The following KIRREL3 variants were observed in gnomAD, a reference collection of about 807,000 sequenced individuals.
KIRREL3 encodes kin of IRRE-like protein 3.
In KIRREL3, 36 loss-of-function variants were observed where a neutral mutation model predicts 89.7. That is an observed-to-expected ratio of 0.40 (90% CI 0.31 to 0.53). The LOEUF (loss-of-function observed/expected upper bound fraction) is 0.53. Among genes scored for constraint, KIRREL3 ranks in the 20% least tolerant of loss-of-function variants. KIRREL3 has a pLI of 0.49. For missense variants in KIRREL3, 864 were observed against 1,056.6 expected, an observed-to-expected ratio of 0.82 and a Z score of 2.53; for synonymous variants, 445 against 441.4, an observed-to-expected ratio of 1.01 and a Z score of -0.10.
At chr11:126,745,110 G>C (rs1286301559) in intron 1 of KIRREL3, among the ~76,000 whole-genome samples, 2 of 152,098 alleles carry the variant, frequency 1.3e-5, no homozygotes, top group Admixed American at 6.5e-5. Flanking sequence ...TCCTTGAGAG[G>C]ATCTCATGGG....
rs561535676 is a variant in KIRREL3, at chr11:126,705,036, T to A, written c.56-142124A>T. On this transcript the variant is annotated intron_variant, in intron 1 of 16. Coordinates refer to ENST00000525144, the MANE Select transcript of KIRREL3 (RefSeq NM_032531.4). The surrounding 1 kb of genome is among the most constrained non-coding windows in gnomAD (Gnocchi z 4.3). ...ATTTGTGGGTGGTAAATTTATATCT[T>A]ACCCACTGAATATAGCTTTTTATGG... 1.3e-5 allele frequency among the ~76,000 whole-genome samples: 2 copies of A among 152,334 alleles called. No homozygotes were observed. Among genetic ancestry groups the A allele is most frequent in the East Asian group, 3.9e-4 (2 of 5,194 alleles).
rs1050768862 is a variant in KIRREL3 at position 126,563,832 on chromosome 11, A to G, written c.56-920T>C. 3.3e-5 allele frequency among the ~76,000 whole-genome samples: 5 copies of G among 152,090 alleles called. No homozygotes were observed. The highest frequency in any genetic ancestry group is 5.9e-5 in the Non-Finnish European group (4 of 68,030). ...CTGATTCATCTTAATCACTTTATGG[A>G]TCCTGAAGCAATAGCACACTAATTT... On this transcript the variant is annotated intron_variant, in intron 1 of 16. Coordinates refer to ENST00000525144, the MANE Select transcript of KIRREL3 (RefSeq NM_032531.4). This position sits in a 1 kb window ranked among gnomAD's most constrained non-coding sequence, Gnocchi z 6.8.
At chr11:126,753,335 C>A (rs1949396387) in intron 1 of KIRREL3, among the ~76,000 whole-genome samples, 1 of 152,172 alleles carries the variant, frequency 6.6e-6, no homozygotes, top group African/African-American at 2.4e-5. Context: ...CCTTCCAGAA[C>A]CAGACAGGAG....
In KIRREL3 at chr11:126,561,650, C is replaced by A. The variant is rs909024481; in HGVS notation, c.133+1185G>T. Among the ~76,000 whole-genome samples the A allele has an allele frequency of 6.6e-6, 1 of 152,216 alleles. No individual in the cohort carries two copies. Reference sequence around the variant, plus strand: ...TGCGGCCCCCAACTCTGGTTGTACTCAGCCATGGGGTTCCTACAAATGGGA... The same window carrying A: ...TGCGGCCCCCAACTCTGGTTGTACTAAGCCATGGGGTTCCTACAAATGGGA... On this transcript the variant is annotated intron_variant, in intron 2 of 16. Transcript: ENST00000525144. The surrounding 1 kb of genome is among the most constrained non-coding windows in gnomAD (Gnocchi z 4.5).
rs911064083 is a variant in KIRREL3 at position 126,766,605 on chromosome 11, C to T, written c.56-203693G>A. On this transcript the variant is annotated intron_variant, in intron 1 of 16. Transcript: ENST00000525144. This position sits in a 1 kb window ranked among gnomAD's most constrained non-coding sequence, Gnocchi z 4.2. ...AAGAGATTATTGTGCCTCATGGTGG[C>T]GCCAGTAGTATCATTCCATTACCAT... Among the ~76,000 whole-genome samples, 6 of 151,986 alleles carry T rather than the reference C, an allele frequency of 3.9e-5. No individual in the cohort carries two copies. In the East Asian group the frequency reaches 5.8e-4, roughly 15 times the overall value.
Position 126,778,334 on chromosome 11 carries a change from G to A in KIRREL3, c.56-215422C>T, listed in dbSNP as rs560156567. 1.5e-4 allele frequency among the ~76,000 whole-genome samples: 23 copies of A among 152,222 alleles called. No individual in the cohort carries two copies. Among genetic ancestry groups the A allele is most frequent in the South Asian group, 4.1e-4 (2 of 4,824 alleles). On this transcript the variant is annotated intron_variant, in intron 1 of 16. Transcript: ENST00000525144. This position sits in a 1 kb window ranked among gnomAD's most constrained non-coding sequence, Gnocchi z 4.5. The stretch of plus-strand genomic sequence containing the variant: ...GGATTTGTCTTGAAGTTGTGTTTGC[G>A]TAGCAATCACCCATTTTTATGGAGA...
rs1433673871 is a variant in KIRREL3 at position 126,989,010 on chromosome 11, T to G, written c.55+11445A>C. Among the ~76,000 whole-genome samples the G allele has an allele frequency of 1.3e-5, 2 of 152,124 alleles. No homozygotes were observed. Among genetic ancestry groups the G allele is most frequent in the Admixed American group, 1.3e-4 (2 of 15,280 alleles). ...TTGGTGAAAGGAGAAAGGGAAAAAG[T>G]GGCCAAATCAAGGGGTCGGGGGACA... On this transcript the variant is annotated intron_variant, in intron 1 of 16. Transcript: ENST00000525144. This position sits in a 1 kb window ranked among gnomAD's most constrained non-coding sequence, Gnocchi z 6.2.
intron 1 of KIRREL3, among the ~76,000 whole-genome samples, chr11:126,693,579 G>GT (rs1565654983): frequency 6.7e-6 from 1 of 150,176 alleles, no homozygotes; most frequent in Admixed American, 6.7e-5. Context: ...TGTTACATCT[G>GT]TATGCACATG....
chr11:126,479,951 T>C (rs143546267), intron 4 of KIRREL3, among the ~76,000 whole-genome samples: 139 of 152,266 alleles, frequency 9.1e-4, no homozygotes, highest in African/African-American at 3.3e-3. Context: ...TTGGGCCAAG[T>C]GTATAGGGCT....
intron 1 of KIRREL3, among the ~76,000 whole-genome samples, chr11:126,980,430 A>G (rs1464056702): frequency 6.6e-6 from 1 of 152,210 alleles, no homozygotes; most frequent in African/African-American, 2.4e-5. Flanking sequence ...TTTGTTTTAC[A>G]GGCAAAGGGT....
intron 1 of KIRREL3, among the ~76,000 whole-genome samples, chr11:126,784,178 A>G (rs1489170876): frequency 6.6e-6 from 1 of 152,212 alleles, no homozygotes; most frequent in African/African-American, 2.4e-5. Context: ...TGGGGCAGAA[A>G]AAGGATATTA....
rs1950033113 is a variant in KIRREL3, at chr11:126,771,984, C to T, written c.56-209072G>A. 6.6e-6 allele frequency among the ~76,000 whole-genome samples: 1 copy of T among 152,224 alleles called. No individual in the cohort carries two copies. The highest frequency in any genetic ancestry group is 1.5e-5 in the Non-Finnish European group (1 of 68,042). On this transcript the variant is annotated intron_variant, in intron 1 of 16. Coordinates refer to ENST00000525144, the MANE Select transcript of KIRREL3 (RefSeq NM_032531.4). This position sits in a 1 kb window ranked among gnomAD's most constrained non-coding sequence, Gnocchi z 4.4. ...AGTCCAGCTTTCCTAAATGCCTCCTCTCCTCCTGCTTTCTGTCTGAGGTAG... is the reference window on the plus strand; with the variant it reads ...AGTCCAGCTTTCCTAAATGCCTCCTTTCCTCCTGCTTTCTGTCTGAGGTAG...
chr11:126,424,337 G>C lies in KIRREL3; in HGVS notation c.*243C>G, dbSNP rs1954842678. The C allele has an allele frequency of 1.7e-6, 1 of 579,730 alleles. No homozygotes were observed. The highest frequency in any genetic ancestry group is 3.1e-6 in the Non-Finnish European group (1 of 324,352). The allele number at this position is 579,730 out of a possible 1,614,324, so 35.9% of individuals were successfully genotyped here. A position where few individuals can be genotyped will look rare whatever the true frequency, so the allele number is the denominator to read the frequency against. ...CGGGGACACGGGTGTCCAGCACTAA[G>C]CACAGCGCACTCAGCCGCAGCCTCT... On this transcript the variant is annotated 3_prime_UTR_variant, in exon 17 of 17. Coordinates refer to ENST00000525144, the MANE Select transcript of KIRREL3 (RefSeq NM_032531.4).
In KIRREL3 at chr11:126,687,618, T is replaced by C. The variant is rs1245620492; in HGVS notation, c.56-124706A>G. On this transcript the variant is annotated intron_variant, in intron 1 of 16. Coordinates refer to ENST00000525144, the MANE Select transcript of KIRREL3 (RefSeq NM_032531.4). The surrounding 1 kb of genome is among the most constrained non-coding windows in gnomAD (Gnocchi z 4.6). ...ATCTCTTGCATGCTCAGTTCATTGA[T>C]TGATAGAGTAAATCATTGATATTTT... Among the ~76,000 whole-genome samples, 1 of 152,228 alleles carries C rather than the reference T, an allele frequency of 6.6e-6. No homozygotes were observed. The highest frequency in any genetic ancestry group is 1.5e-5 in the Non-Finnish European group (1 of 68,038).
rs1956262615 is a variant in KIRREL3, at chr11:126,454,041, T to G, written c.848+2308A>C. ...CTTTTCAGCTTGCAAAAAACAAACTTCGGAATTACAGAAAAGTTGTAAGAA... is the reference window on the plus strand; with the variant it reads ...CTTTTCAGCTTGCAAAAAACAAACTGCGGAATTACAGAAAAGTTGTAAGAA... On this transcript the variant is annotated intron_variant, in intron 7 of 16. Coordinates refer to ENST00000525144, the MANE Select transcript of KIRREL3 (RefSeq NM_032531.4). This position sits in a 1 kb window ranked among gnomAD's most constrained non-coding sequence, Gnocchi z 5.8. 6.6e-6 allele frequency among the ~76,000 whole-genome samples: 1 copy of G among 152,020 alleles called. No individual in the cohort carries two copies. The highest frequency in any genetic ancestry group is 2.1e-4 in the South Asian group (1 of 4,828).
In KIRREL3 at chr11:126,808,896, G is replaced by C. The variant is rs935077551; in HGVS notation, c.55+191559C>G. Among the ~76,000 whole-genome samples the C allele has an allele frequency of 7.2e-5, 11 of 152,174 alleles. 1 individual carries two copies. Among genetic ancestry groups the C allele is most frequent in the Admixed American group, 2.6e-4 (4 of 15,274 alleles). ...GTTTATATAGCATGAGAAGGCCACTGTCAAGGTCGGGAGGTTCCAGAATGG... is the reference window on the plus strand; with the variant it reads ...GTTTATATAGCATGAGAAGGCCACTCTCAAGGTCGGGAGGTTCCAGAATGG... On this transcript the variant is annotated intron_variant, in intron 1 of 16. Coordinates refer to ENST00000525144, the MANE Select transcript of KIRREL3 (RefSeq NM_032531.4). This position sits in a 1 kb window ranked among gnomAD's most constrained non-coding sequence, Gnocchi z 4.1.
At position 126,744,085 on chromosome 11, in the gene KIRREL3, T is replaced by A. The variant is rs1949064954; in HGVS notation, c.56-181173A>T. Among the ~76,000 whole-genome samples, 1 of 152,160 alleles carries A rather than the reference T, an allele frequency of 6.6e-6. No homozygotes were observed. Among genetic ancestry groups the A allele is most frequent in the Admixed American group, 6.5e-5 (1 of 15,282 alleles). On this transcript the variant is annotated intron_variant, in intron 1 of 16. Transcript: ENST00000525144. This position sits in a 1 kb window ranked among gnomAD's most constrained non-coding sequence, Gnocchi z 4.7. ...AGGAGCAGAAAATGTTCCAGAAAGT[T>A]GGGACTAGCCAAGGGGCAGAGGGCC... is the stretch of plus-strand genomic sequence containing the variant.
intron 1 of KIRREL3, among the ~76,000 whole-genome samples, chr11:126,868,791 G>A (rs1275393031): frequency 1.3e-5 from 2 of 152,086 alleles, no homozygotes; most frequent in East Asian, 1.9e-4. Flanking sequence ...AAACAACAGA[G>A]ATTTACTTCT....
chr11:126,993,252 T>C lies in KIRREL3; in HGVS notation c.55+7203A>G, dbSNP rs1423816835. On this transcript the variant is annotated intron_variant, in intron 1 of 16. Coordinates refer to ENST00000525144, the MANE Select transcript of KIRREL3 (RefSeq NM_032531.4). The surrounding 1 kb of genome is among the most constrained non-coding windows in gnomAD (Gnocchi z 6.1). ...CAATCCATCCTCAAAAGATGTATAATGGCACCCATGGCCATTCACGAGTTG... is the reference window on the plus strand; with the variant it reads ...CAATCCATCCTCAAAAGATGTATAACGGCACCCATGGCCATTCACGAGTTG... Among the ~76,000 whole-genome samples the C allele has an allele frequency of 1.3e-5, 2 of 152,186 alleles. No homozygotes were observed. Among genetic ancestry groups the C allele is most frequent in the Admixed American group, 6.5e-5 (1 of 15,280 alleles).
Sources: allele counts gnomAD v4.1 joint callset (sites outside exome capture counted in the v4.1 genomes callset), GRCh38; gene constraint gnomAD v4.1.1; non-coding constraint Gnocchi (gnomAD v3.1); transcripts MANE v1.5; gene names NCBI Gene and HGNC (gene_info 2026-07-23, HGNC 2026-07-21).